LTBP3: variants seen among roughly 807,000 people sequenced by gnomAD.
LTBP3 encodes latent-transforming growth factor beta-binding protein 3.
In LTBP3, 97 loss-of-function variants were observed where a neutral mutation model predicts 159.7. The ratio of observed to expected loss-of-function variants is 0.61; its 90% CI spans 0.52 to 0.72. LTBP3 has a LOEUF of 0.72. LTBP3 is among the 30% of genes least tolerant of loss of function. The probability of loss-of-function intolerance (pLI) is 0.00; values close to 1 mark genes in which losing one functional copy is unlikely to be tolerated. For synonymous variants in LTBP3, 824 were observed against 777.1 expected, an observed-to-expected ratio of 1.06 and a Z score of -1.00; for missense variants, 1,584 against 1,864.3, an observed-to-expected ratio of 0.85 and a Z score of 2.77.
At position 65,553,006 on chromosome 11, in the gene LTBP3, C is replaced by T. The variant is rs755218313; in HGVS notation, c.1064-24G>A. 2.5e-6 allele frequency: 4 copies of T among 1,614,108 alleles called. No homozygotes were observed. Among genetic ancestry groups the T allele is most frequent in the Middle Eastern group, 3.3e-4 (2 of 6,062 alleles). ...GTCTGTGGTAAGTGGAAGTTTGGCC[C>T]CTCTGGTCTGGGGCCATGGGGTGAC... On this transcript the variant is annotated intron_variant, in intron 5 of 27. Coordinates refer to ENST00000301873, the MANE Select transcript of LTBP3 (RefSeq NM_001130144.3). The surrounding 1 kb of genome is among the most constrained non-coding windows in gnomAD (Gnocchi z 6.5).
intron 11 of LTBP3, among the ~76,000 whole-genome samples, chr11:65,549,790 G>A (rs1019021262): frequency 7.5e-5 from 11 of 147,348 alleles, no homozygotes; most frequent in South Asian, 4.3e-4. Flanking sequence ...GCATGGTGGC[G>A]CACACCTGTA....
rs1456966297 is a variant in LTBP3 at position 65,552,297 on chromosome 11, G to A, written c.1296C>T (p.Val432=). The A allele has an allele frequency of 5.6e-6, 9 of 1,614,150 alleles. No individual in the cohort carries two copies. Among genetic ancestry groups the A allele is most frequent in the South Asian group, 1.1e-5 (1 of 91,088 alleles). Residue 432 remains valine (V), a synonymous_variant, in exon 7 of 28, where the codon GTC becomes GTT. Transcript: ENST00000301873. This position sits in a 1 kb window ranked among gnomAD's most constrained non-coding sequence, Gnocchi z 6.0. ...RLTRQLCCCS[V]GKAWGARCQR... is the part of the protein sequence containing the mutation. ...GACACCGCGCGCCCCAGGCCTTGCC[G>A]ACACTGCAGCAGCAGAGCTGGCGGG...
At chr11:65,550,983 T>C in intron 11 of LTBP3, 143 bp downstream of exon 11, 1 of 721,292 alleles carries the variant, frequency 1.4e-6, no homozygotes, top group Non-Finnish European at 2.4e-6. Context: ...GGATCTCTGG[T>C]GCTCACCAGG....
chr11:65,552,844 G>A lies in LTBP3; in HGVS notation c.1186+16C>T, dbSNP rs763408648. ...ATGCCTTGTGACCTCCCAGGAACCT[G>A]AGCCCCAGGTCTCACCAATGCACTG... On this transcript the variant is annotated intron_variant, in intron 6 of 27. Transcript: ENST00000301873. The surrounding 1 kb of genome is among the most constrained non-coding windows in gnomAD (Gnocchi z 6.0). 3.1e-6 allele frequency: 5 copies of A among 1,614,138 alleles called. No homozygotes were observed. The Admixed American group carries it at 6.7e-5, about 22-fold the overall frequency.
Position 65,543,233 on chromosome 11 carries a change from G to A in LTBP3, c.2477-9C>T, listed in dbSNP as rs759610554. 70 of 1,613,968 alleles carry A rather than the reference G, an allele frequency of 4.3e-5. No homozygotes were observed. Among genetic ancestry groups the A allele is most frequent in the Non-Finnish European group, 5.7e-5 (67 of 1,179,996 alleles). ...GTCACACTCATCAATGTCTGTAGGG[G>A]ATGGAAGGGGTGGAGAATCTCAGGG... On this transcript the variant is annotated splice_polypyrimidine_tract_variant and intron_variant, in intron 17 of 27. Coordinates refer to ENST00000301873, the MANE Select transcript of LTBP3 (RefSeq NM_001130144.3).
chr11:65,542,319 G>A (rs992504490), intron 18 of LTBP3: 1 of 164,720 alleles, frequency 6.1e-6, no homozygotes, highest in Non-Finnish European at 1.3e-5. Context: ...TGGGAGCCCT[G>A]GGTGATTGTT....
Position 65,553,908 on chromosome 11 carries a change from G to T in LTBP3, c.662-5C>A. 1 of 1,527,922 alleles carries T rather than the reference G, an allele frequency of 6.5e-7. No homozygotes were observed. Among genetic ancestry groups the T allele is most frequent in the Non-Finnish European group, 8.8e-7 (1 of 1,140,266 alleles). The allele number at this position is 1,527,922 out of a possible 1,614,324, so 94.6% of individuals were successfully genotyped here. A position where few individuals can be genotyped will look rare whatever the true frequency, so the allele number is the denominator to read the frequency against. On this transcript the variant is annotated splice_region_variant and splice_polypyrimidine_tract_variant and intron_variant, in intron 2 of 27. Transcript: ENST00000301873. The surrounding 1 kb of genome is among the most constrained non-coding windows in gnomAD (Gnocchi z 6.5). ...CCACGGGGGGCGGGGCCTGCACTGG[G>T]GGCGGGCGCGGTGGCCTCAGGGCTG... is the stretch of plus-strand genomic sequence containing the variant.
At chr11:65,556,268 C>T (rs1157594863) in intron 1 of LTBP3, among the ~76,000 whole-genome samples, 3 of 152,206 alleles carry the variant, frequency 2.0e-5, no homozygotes, top group Non-Finnish European at 4.4e-5. Flanking sequence ...TGGCTCACAC[C>T]TGTAATCCCA....
Position 65,547,344 on chromosome 11 carries a change from G to T in LTBP3, c.2107+95C>A. 2.9e-6 allele frequency: 1 copy of T among 343,602 alleles called. No individual in the cohort carries two copies. The highest frequency in any genetic ancestry group is 3.5e-5 in the South Asian group (1 of 28,802). The allele number at this position is 343,602 out of a possible 1,614,324, so 21.3% of individuals were successfully genotyped here. A position where few individuals can be genotyped will look rare whatever the true frequency, so the allele number is the denominator to read the frequency against. ...GGGCGACAGAGTGAGACTCCGTCTC[G>T]GGGGAAAAAAAAAAAAATGCAGGCA... is the stretch of plus-strand genomic sequence containing the variant. On this transcript the variant is annotated intron_variant, in intron 14 of 27. Coordinates refer to ENST00000301873, the MANE Select transcript of LTBP3 (RefSeq NM_001130144.3). The surrounding 1 kb of genome is among the most constrained non-coding windows in gnomAD (Gnocchi z 4.6).
chr11:65,539,519 C>A, intron 26 of LTBP3, 29 bp downstream of exon 26: 2 of 1,606,712 alleles, frequency 1.2e-6, no homozygotes, highest in Non-Finnish European at 1.7e-6. Context: ...GCTACCAACC[C>A]CGCCACCGCC....
At chr11:65,555,693 C>T (rs189743542) in intron 1 of LTBP3, among the ~76,000 whole-genome samples, 3 of 152,336 alleles carry the variant, frequency 2.0e-5, no homozygotes, top group Admixed American at 1.3e-4. Flanking sequence ...GGACCTCTGT[C>T]TGTTTCTGTC....
chr11:65,542,953 G>T lies in LTBP3; in HGVS notation c.2596+152C>A, dbSNP rs541518688. 130 of 966,238 alleles carry T rather than the reference G, an allele frequency of 1.3e-4. 1 individual carries two copies. The African/African-American group carries it at 1.9e-3, about 14-fold the overall frequency. The allele number at this position is 966,238 out of a possible 1,614,324, so 59.9% of individuals were successfully genotyped here. A position where few individuals can be genotyped will look rare whatever the true frequency, so the allele number is the denominator to read the frequency against. On this transcript the variant is annotated intron_variant, in intron 18 of 27. Coordinates refer to ENST00000301873, the MANE Select transcript of LTBP3 (RefSeq NM_001130144.3). ...AGAAGGATGGATGGATGGATGGATG[G>T]ATGGATGGATGGATGGATGGATAGA...
intron 11 of LTBP3, chr11:65,548,264 C>T (rs1856466407): frequency 1.0e-5 from 7 of 674,014 alleles, no homozygotes; most frequent in Admixed American, 2.3e-5. Context: ...GCCGTATCAC[C>T]CCACACCCAG....
rs1314730069 is a variant in LTBP3 at position 65,552,452 on chromosome 11, C to T, written c.1187-46G>A. 1 of 1,604,246 alleles carries T rather than the reference C, an allele frequency of 6.2e-7. No individual in the cohort carries two copies. On this transcript the variant is annotated intron_variant, in intron 6 of 27. Coordinates refer to ENST00000301873, the MANE Select transcript of LTBP3 (RefSeq NM_001130144.3). The surrounding 1 kb of genome is among the most constrained non-coding windows in gnomAD (Gnocchi z 6.0). ...CATGGGCATCTGAGCCTGCACATTG[C>T]CCACGTCCCTCTGCCCAGCTGCTGC... is the stretch of plus-strand genomic sequence containing the variant.
intron 19 of LTBP3, 30 bp from the exon 20 acceptor site, chr11:65,541,323 G>A: frequency 1.9e-6 from 3 of 1,604,512 alleles, no homozygotes; most frequent in Non-Finnish European, 2.5e-6. Context: ...TCAGGGTTGT[G>A]CACAGACCCC....
chr11:65,543,413 C>T lies in LTBP3; in HGVS notation c.2476+14G>A. The T allele has an allele frequency of 6.2e-7, 1 of 1,613,888 alleles. No individual in the cohort carries two copies. The highest frequency in any genetic ancestry group is 8.5e-7 in the Non-Finnish European group (1 of 1,179,930). ...GGAGGGACAGGTCAGCACCCCAGCT[C>T]TAAGATCCCTCACCCTCGCAGTGGC... is the stretch of plus-strand genomic sequence containing the variant. On this transcript the variant is annotated intron_variant, in intron 17 of 27. Transcript: ENST00000301873.
intron 11 of LTBP3, among the ~76,000 whole-genome samples, chr11:65,550,476 G>A (rs1225417671): frequency 1.3e-5 from 2 of 152,014 alleles, no homozygotes; most frequent in South Asian, 4.2e-4. Flanking sequence ...GGAGTTCTGA[G>A]GGTTGTGATA....
At chr11:65,544,013 G>A (rs931491742) in intron 16 of LTBP3, 6 of 209,968 alleles carry the variant, frequency 2.9e-5, no homozygotes, top group Admixed American at 1.6e-4. Flanking sequence ...GGCCTCTGAG[G>A]TGCCGCCGGC....
Position 65,557,902 on chromosome 11 carries a change from C to T in LTBP3, c.58G>A (p.Ala20Thr), listed in dbSNP as rs982131627. 7.9e-6 allele frequency: 10 copies of T among 1,271,824 alleles called. No homozygotes were observed. Among genetic ancestry groups the T allele is most frequent in the South Asian group, 6.4e-5 (3 of 46,598 alleles). The allele number at this position is 1,271,824 out of a possible 1,614,324, so 78.8% of individuals were successfully genotyped here. The change falls in exon 1 of 28, where the codon GCG (alanine) becomes ACG (threonine). Residue 20 changes from alanine to threonine, a missense_variant. Ala to Thr is a moderately conservative substitution (Grantham distance 58, BLOSUM62 0). Transcript: ENST00000301873. ...GLAPEMRGAG[A>T]AGLLALLLLL... ...AGCAGCAGCGCCAGCAGCCCCGCCGCCCCCGCCCCGCGCATCTCAGGGGCC... is the reference window on the plus strand; with the variant it reads ...AGCAGCAGCGCCAGCAGCCCCGCCGTCCCCGCCCCGCGCATCTCAGGGGCC...
Sources: allele counts gnomAD v4.1 joint callset (sites outside exome capture counted in the v4.1 genomes callset), GRCh38; gene constraint gnomAD v4.1.1; non-coding constraint Gnocchi (gnomAD v3.1); transcripts MANE v1.5; gene names NCBI Gene and HGNC (gene_info 2026-07-23, HGNC 2026-07-21).